The following PRRT4 variants were observed in gnomAD, a reference collection of about 807,000 sequenced individuals.
PRRT4 encodes the protein proline-rich transmembrane protein 4.
A neutral mutation model predicts 55.6 loss-of-function variants in PRRT4; 59 were observed. That is an observed-to-expected ratio of 1.06 (90% CI 0.86 to 1.32). The LOEUF (loss-of-function observed/expected upper bound fraction) is 1.32. Ranked by LOEUF, PRRT4 falls within the 40% of genes most tolerant of loss-of-function variation. PRRT4 has a pLI of 0.00. For missense variants in PRRT4, 1,217 were observed against 1,222.0 expected, an observed-to-expected ratio of 1.00 and a Z score of 0.06; for synonymous variants, 606 against 601.8, an observed-to-expected ratio of 1.01 and a Z score of -0.10.
exon 5 of PRRT4, chr7:128,351,481 C>T: frequency 1.3e-6 from 2 of 1,520,086 alleles, no homozygotes; most frequent in Non-Finnish European, 1.8e-6. Flanking sequence ...CCGGCAACCT[C>T]CGCCCTGGAG....
chr7:128,353,332 T>C (rs1797042163), intron 4 of PRRT4, among the ~76,000 whole-genome samples: 1 of 152,088 alleles, frequency 6.6e-6, no homozygotes, highest in Non-Finnish European at 1.5e-5. Flanking sequence ...TATCTCTTGT[T>C]CTGCACCCCT....
exon 5 of PRRT4, chr7:128,352,534 C>G: frequency 6.5e-7 from 1 of 1,544,052 alleles, no homozygotes; most frequent in Middle Eastern, 1.7e-4. Context: ...AAAGAGGGGC[C>G]TCGGCGCCTC....
intron 3 of PRRT4, 38 bp downstream of exon 4, chr7:128,359,111 G>A: frequency 6.5e-7 from 1 of 1,536,878 alleles, no homozygotes; most frequent in Non-Finnish European, 8.8e-7. Flanking sequence ...GGCACGTAGA[G>A]TGTTCCACAA....
At chr7:128,352,478 C>G in exon 5 of PRRT4, 3 of 1,540,364 alleles carry the variant, frequency 1.9e-6, no homozygotes, top group Non-Finnish European at 2.6e-6. Flanking sequence ...CAGGCCAGCC[C>G]CCAGCGAGCC....
Position 128,360,104 on chromosome 7 carries a change from C to G in PRRT4, c.-72-41G>C, listed in dbSNP as rs187597330. ...GCCCTGTGAGCCCTGGCTGTGGCCC[C>G]CCTCTTCCCTTTCCCAGGATCGGAT... On this transcript the variant is annotated intron_variant, in intron 1 of 4. Coordinates refer to ENST00000535159, the Ensembl canonical transcript of PRRT4. The G allele has an allele frequency of 1.7e-4, 140 of 837,684 alleles. 2 individuals are homozygous for G. Among genetic ancestry groups the G allele is most frequent in the African/African-American group, 1.5e-3 (83 of 56,946 alleles). The allele number at this position is 837,684 out of a possible 1,614,324, so 51.9% of individuals were successfully genotyped here.
exon 5 of PRRT4, chr7:128,351,103 A>T: frequency 6.5e-7 from 1 of 1,548,680 alleles, no homozygotes; most frequent in Non-Finnish European, 8.7e-7. Context: ...GCTGGAACAC[A>T]GCAGCATGGA....
exon 5 of PRRT4, chr7:128,352,248 C>T: frequency 6.5e-7 from 1 of 1,541,568 alleles, no homozygotes; most frequent in Non-Finnish European, 8.7e-7. Context: ...GAAGGTCCTG[C>T]AGCAGCAGCC....
intron 3 of PRRT4, 44 bp downstream of exon 4, chr7:128,359,105 C>A: frequency 6.5e-7 from 1 of 1,530,516 alleles, no homozygotes. Flanking sequence ...GCGCTTGGCA[C>A]GTAGAGTGTT....
chr7:128,360,848 C>T (rs956539343), intron 1 of PRRT4, among the ~76,000 whole-genome samples: 1 of 152,008 alleles, frequency 6.6e-6, no homozygotes, highest in South Asian at 2.1e-4. Flanking sequence ...CTCCTCTGTG[C>T]GCACACATCT....
exon 5 of PRRT4, chr7:128,351,663 C>T (rs1047016833): frequency 1.4e-5 from 21 of 1,512,532 alleles, no homozygotes; most frequent in Non-Finnish European, 1.8e-5. Flanking sequence ...CCCAGCAGCG[C>T]GGCGGCACGC....
rs921149881 is a variant in PRRT4 at position 128,352,693 on chromosome 7, C to A, written c.878-15G>T. On this transcript the variant is annotated splice_polypyrimidine_tract_variant and intron_variant, in intron 4 of 4. Coordinates refer to ENST00000535159, the Ensembl canonical transcript of PRRT4. ...GACTGTGGGGTCTGTGGGCAAAGAA[C>A]GTTTGGCTTGAGGCAATGATGCAGC... 1.1e-5 allele frequency: 17 copies of A among 1,511,152 alleles called. No homozygotes were observed. The East Asian group carries it at 3.9e-4, about 35-fold the overall frequency. 93.6% of individuals were successfully genotyped at this position (1,511,152 alleles called of 1,614,324 possible).
At position 128,352,530 on chromosome 7, in the gene PRRT4, G is replaced by A. The variant is rs534651389; in HGVS notation, c.1026C>T (p.Pro342=). The change falls in exon 5 of 5, where the codon CCC becomes CCT. Residue 342 remains proline (P), a synonymous_variant. Transcript: ENST00000535159. ...CGGCCTCCAGGGTCAGGAAAAAGAG[G>A]GGCCTCGGCGCCTCGGGAGGCTGCC... The A allele has an allele frequency of 9.4e-5, 145 of 1,543,920 alleles. No individual in the cohort carries two copies. The African/African-American group carries it at 1.7e-3, about 19-fold the overall frequency.
At chr7:128,351,883 G>A (rs920172342) in exon 5 of PRRT4, 5 of 1,327,078 alleles carry the variant, frequency 3.8e-6, no homozygotes, top group South Asian at 2.1e-5. Flanking sequence ...GGCCGTGCGC[G>A]CCGCGCGCCG....
At chr7:128,354,131 G>A (rs1797060338) in intron 4 of PRRT4, among the ~76,000 whole-genome samples, 1 of 152,186 alleles carries the variant, frequency 6.6e-6, no homozygotes, top group Non-Finnish European at 1.5e-5. Context: ...GACAGATATG[G>A]AATGTGAGAG....
chr7:128,354,745 G>A (rs1158307045), intron 4 of PRRT4, among the ~76,000 whole-genome samples: 1 of 152,220 alleles, frequency 6.6e-6, no homozygotes, highest in Admixed American at 6.5e-5. Flanking sequence ...ACTGGGGAGG[G>A]CAGAAAGGAA....
Position 128,358,371 on chromosome 7 carries a change from G to A in PRRT4, c.877+310C>T, listed in dbSNP as rs771474293. On this transcript the variant is annotated intron_variant, in intron 4 of 4. Transcript: ENST00000535159. The surrounding 1 kb of genome is among the most constrained non-coding windows in gnomAD (Gnocchi z 4.4). Reference sequence around the variant, plus strand: ...CAGGCAGACTGGAGTGGAGGGTGGGGTTAGTGCCAGGGCTGTGGAAATCAT... The same window carrying A: ...CAGGCAGACTGGAGTGGAGGGTGGGATTAGTGCCAGGGCTGTGGAAATCAT... 1.6e-4 allele frequency among the ~76,000 whole-genome samples: 24 copies of A among 152,190 alleles called. No individual in the cohort carries two copies. The highest frequency in any genetic ancestry group is 3.1e-4 in the Non-Finnish European group (21 of 68,034).
chr7:128,357,320 C>T (rs1157046301), intron 4 of PRRT4, among the ~76,000 whole-genome samples: 1 of 151,920 alleles, frequency 6.6e-6, no homozygotes, highest in Admixed American at 6.6e-5. Flanking sequence ...CTATAGCTCT[C>T]CTGGGTTTAT....
At position 128,358,796 on chromosome 7, in the gene PRRT4, G is replaced by C. The variant is rs1276323747; in HGVS notation, c.762C>G (p.Phe254Leu). ...GGGGCAGGGACAGAGTGGTACCAAG[G>C]AACCCTGCAAAGGGAGCACATGGGG... Residue 254 changes from phenylalanine (F) to leucine (L), a missense_variant, in exon 4 of 5, where the codon TTC becomes TTG. Around this residue, in one of 3 missense-constraint regions of PRRT4, gnomAD observed 564 missense variants for 592.9 expected, o/e 0.95. Transcript: ENST00000535159. This position sits in a 1 kb window ranked among gnomAD's most constrained non-coding sequence, Gnocchi z 4.4. 1.3e-6 allele frequency: 2 copies of C among 1,541,164 alleles called. No individual in the cohort carries two copies. The highest frequency in any genetic ancestry group is 1.7e-6 in the Non-Finnish European group (2 of 1,143,286).
intron 3 of PRRT4, 41 bp downstream of exon 4, chr7:128,359,108 A>C: frequency 6.5e-7 from 1 of 1,534,282 alleles, no homozygotes; most frequent in Non-Finnish European, 8.8e-7. Flanking sequence ...CTTGGCACGT[A>C]GAGTGTTCCA....
Sources: gnomAD v4.1 joint callset for allele counts (sites outside exome capture counted in the v4.1 genomes callset) on GRCh38, gnomAD v4.1.1 for gene constraint, gnomAD v4.1.1 regional missense constraint, Gnocchi (gnomAD v3.1) non-coding constraint, MANE v1.5 for transcripts, NCBI Gene and HGNC (gene_info 2026-07-23, HGNC 2026-07-21) for gene names.